Variants in EXOG observed in about 807,000 individuals in gnomAD.
The protein encoded by EXOG is exo/endonuclease G, also known as nuclease EXOG, mitochondrial.
Under a neutral mutation model 25.8 loss-of-function variants are expected in EXOG, and 27 were observed. That is an observed-to-expected ratio of 1.05 (90% CI 0.77 to 1.45). The LOEUF (loss-of-function observed/expected upper bound fraction) is 1.45, where lower values mean the gene tolerates loss of function less well. EXOG is among the 40% of genes most tolerant of loss of function. EXOG has a pLI of 0.00. For missense variants in EXOG, 458 were observed against 450.5 expected, an observed-to-expected ratio of 1.02 and a Z score of -0.15; for synonymous variants, 133 against 167.0, an observed-to-expected ratio of 0.80 and a Z score of 1.57.
intron 4 of EXOG, among the ~76,000 whole-genome samples, chr3:38,505,058 A>T (rs2060162239): frequency 6.6e-6 from 1 of 152,194 alleles, no homozygotes; most frequent in Non-Finnish European, 1.5e-5. Context: ...GAAGATAAGG[A>T]TTCTTTTAAA....
In EXOG at chr3:38,525,438, G is replaced by A; in HGVS notation, c.*1076G>A. 1 of 985,372 alleles carries A rather than the reference G, an allele frequency of 1.0e-6. No individual in the cohort carries two copies. Among genetic ancestry groups the A allele is most frequent in the Non-Finnish European group, 1.2e-6 (1 of 829,906 alleles). 61.0% of individuals were successfully genotyped at this position (985,372 alleles called of 1,614,324 possible). ...TTTCTCGTCTGCTATGCAAGCCAAAGGGACTTTAATGTTCTTTGAATTGAA... is the reference window on the plus strand; with the variant it reads ...TTTCTCGTCTGCTATGCAAGCCAAAAGGACTTTAATGTTCTTTGAATTGAA... On this transcript the variant is annotated 3_prime_UTR_variant, in exon 6 of 6. Transcript: ENST00000287675.
chr3:38,496,587 A>C lies in EXOG; in HGVS notation c.163+57A>C, dbSNP rs567114492. ...GCCCAGATTTCGGGCTCCGACTCCT[A>C]CCTGGAGTGTGAATGGCAGTCCTTG... On this transcript the variant is annotated intron_variant, in intron 1 of 5. Coordinates refer to ENST00000287675, the MANE Select transcript of EXOG (RefSeq NM_005107.4). 1.8e-4 allele frequency: 282 copies of C among 1,569,488 alleles called. No individual in the cohort carries two copies. In the African/African-American group the frequency reaches 3.4e-3, roughly 19 times the overall value.
chr3:38,498,542 G>T (rs1269722835), intron 2 of EXOG, among the ~76,000 whole-genome samples: 2 of 150,900 alleles, frequency 1.3e-5, no homozygotes, highest in East Asian at 3.9e-4. Context: ...GCAACAGAGG[G>T]AGAATGTGTC....
intron 3 of EXOG, among the ~76,000 whole-genome samples, chr3:38,502,525 CAT>C (rs1317394568): frequency 6.6e-6 from 1 of 151,942 alleles, no homozygotes; most frequent in East Asian, 1.9e-4. Flanking sequence ...AAGTTGCAGA[CAT>C]GTTTTATTTC....
intron 4 of EXOG, among the ~76,000 whole-genome samples, chr3:38,505,927 C>A (rs1559681361): frequency 1.4e-5 from 2 of 147,770 alleles, no homozygotes; most frequent in African/African-American, 5.0e-5. Flanking sequence ...GCCTGGGTGA[C>A]AGAGTGAGTG....
chr3:38,513,865 C>T (rs1448132735), intron 5 of EXOG: 1 of 152,126 alleles, frequency 6.6e-6, no homozygotes, highest in Non-Finnish European at 1.5e-5. Context: ...GGAGGAGATA[C>T]CTAGTAAGTA....
At position 38,525,432 on chromosome 3, in the gene EXOG, G is replaced by A. The variant is rs1050210859; in HGVS notation, c.*1070G>A. On this transcript the variant is annotated 3_prime_UTR_variant, in exon 6 of 6. Coordinates refer to ENST00000287675, the MANE Select transcript of EXOG (RefSeq NM_005107.4). ...GTCTGGTTTCTCGTCTGCTATGCAA[G>A]CCAAAGGGACTTTAATGTTCTTTGA... The A allele has an allele frequency of 4.9e-5, 48 of 985,280 alleles. No individual in the cohort carries two copies. The highest frequency in any genetic ancestry group is 8.7e-5 in the African/African-American group (5 of 57,228). The allele number at this position is 985,280 out of a possible 1,614,324, so 61.0% of individuals were successfully genotyped here. A position where few individuals can be genotyped will look rare whatever the true frequency, so the allele number is the denominator to read the frequency against.
At chr3:38,508,427 TATC>T (rs1188858790) in intron 5 of EXOG, among the ~76,000 whole-genome samples, 2 of 152,160 alleles carry the variant, frequency 1.3e-5, no homozygotes, top group African/African-American at 2.4e-5. Context: ...CATTTAATCT[TATC>T]ATGCAGAAAT....
intron 3 of EXOG, among the ~76,000 whole-genome samples, chr3:38,502,671 A>C (rs2060083142): frequency 6.6e-6 from 1 of 152,172 alleles, no homozygotes; most frequent in South Asian, 2.1e-4. Flanking sequence ...AATATTATCT[A>C]AAATACAATG....
intron 2 of EXOG, chr3:38,499,598 C>T: frequency 2.2e-6 from 1 of 446,776 alleles, no homozygotes. Flanking sequence ...CCTGCTGAAA[C>T]AGAAAATGTT....
At position 38,501,512 on chromosome 3, in the gene EXOG, G is replaced by A. The variant is rs771804473; in HGVS notation, c.453+18G>A. The A allele has an allele frequency of 6.2e-7, 1 of 1,612,904 alleles. No homozygotes were observed. The highest frequency in any genetic ancestry group is 8.5e-7 in the Non-Finnish European group (1 of 1,178,948). ...TTTCAAGTGTAGGCATACTTTGGGG[G>A]AGGGATGGGAATATGGGGCTGATGT... On this transcript the variant is annotated intron_variant, in intron 3 of 5. Coordinates refer to ENST00000287675, the MANE Select transcript of EXOG (RefSeq NM_005107.4).
intron 5 of EXOG, among the ~76,000 whole-genome samples, chr3:38,507,671 G>A (rs1416533315): frequency 2.0e-5 from 3 of 152,168 alleles, no homozygotes; most frequent in Admixed American, 1.3e-4. Flanking sequence ...GCAGCAGCGT[G>A]TAAAGAGATA....
intron 5 of EXOG, among the ~76,000 whole-genome samples, chr3:38,515,278 G>T (rs1054629242): frequency 3.3e-5 from 5 of 152,080 alleles, no homozygotes; most frequent in Non-Finnish European, 7.4e-5. Context: ...TTTTAATGAG[G>T]ATGATCCCTT....
Position 38,503,351 on chromosome 3 carries a change from A to C in EXOG, c.454-264A>C, listed in dbSNP as rs2060103286. Among the ~76,000 whole-genome samples, 3 of 152,242 alleles carry C rather than the reference A, an allele frequency of 2.0e-5. No individual in the cohort carries two copies. The South Asian group carries it at 6.2e-4, about 31-fold the overall frequency. On this transcript the variant is annotated intron_variant, in intron 3 of 5. Transcript: ENST00000287675. ...CTTAAGCTTTGTGTTGGAAATATTT[A>C]GTTCTTAGAATTCACGTTATAGGTT...
intron 5 of EXOG, among the ~76,000 whole-genome samples, chr3:38,513,196 A>G (rs1290767379): frequency 6.6e-6 from 1 of 152,232 alleles, no homozygotes; most frequent in Non-Finnish European, 1.5e-5. Flanking sequence ...TGACTCCGTA[A>G]CAATTGGCAT....
At chr3:38,500,416 T>C (rs1360055318) in intron 2 of EXOG, among the ~76,000 whole-genome samples, 1 of 152,204 alleles carries the variant, frequency 6.6e-6, no homozygotes, top group Non-Finnish European at 1.5e-5. Context: ...AAGGAAGTGA[T>C]TCCAATGGTA....
intron 1 of EXOG, chr3:38,497,097 A>G: frequency 1.0e-6 from 1 of 1,002,432 alleles, no homozygotes; most frequent in South Asian, 4.0e-5. Context: ...AAAAATTAAC[A>G]CGAGCTCATT....
At chr3:38,496,792 C>G (rs575366761) in intron 1 of EXOG, 13 of 1,460,108 alleles carry the variant, frequency 8.9e-6, no homozygotes, top group Non-Finnish European at 1.2e-5. Flanking sequence ...TTTCTTCCCC[C>G]CAGTTACTCA....
intron 2 of EXOG, chr3:38,499,970 A>G (rs1241896195): frequency 6.9e-6 from 2 of 289,378 alleles, no homozygotes; most frequent in South Asian, 6.3e-5. Flanking sequence ...GACTCACCCA[A>G]GGTAGATTGT....
Sources: allele counts gnomAD v4.1 joint callset (sites outside exome capture counted in the v4.1 genomes callset), GRCh38; gene constraint gnomAD v4.1.1; transcripts MANE v1.5; gene names NCBI Gene and HGNC (gene_info 2026-07-23, HGNC 2026-07-21).